B3GALT1: variants seen among roughly 807,000 people sequenced by gnomAD.
The protein encoded by B3GALT1 is UDP-Gal:betaGlcNAc beta 1,3-galactosyltransferase, polypeptide 1.
In B3GALT1, 10 loss-of-function variants were observed where a neutral mutation model predicts 23.2. The ratio of observed to expected loss-of-function variants is 0.43; its 90% CI spans 0.27 to 0.73. B3GALT1 has a LOEUF of 0.73. Among genes scored for constraint, B3GALT1 ranks in the 30% least tolerant of loss-of-function variants. The probability of loss-of-function intolerance (pLI) is 0.21; values close to 1 mark genes in which losing one functional copy is unlikely to be tolerated. For synonymous variants in B3GALT1, 156 were observed against 141.5 expected (o/e 1.10, Z -0.73); for missense variants, 299 against 405.4 (o/e 0.74, Z 2.25).
intron 2 of B3GALT1, among the ~76,000 whole-genome samples, chr2:167,638,728 G>A (rs1685602389): frequency 6.6e-6 from 1 of 151,750 alleles, no homozygotes; most frequent in African/African-American, 2.4e-5. Context: ...AAAAAGAGGG[G>A]GTTAGGCTAT....
chr2:167,484,164 A>G (rs529478246), intron 1 of B3GALT1, among the ~76,000 whole-genome samples: 1 of 152,190 alleles, frequency 6.6e-6, no homozygotes, highest in Non-Finnish European at 1.5e-5. Context: ...TTTTCGCCTA[A>G]GGATAGATAA....
chr2:167,658,300 A>G (rs1216737168), intron 3 of B3GALT1, among the ~76,000 whole-genome samples: 1 of 152,150 alleles, frequency 6.6e-6, no homozygotes, highest in Non-Finnish European at 1.5e-5. Context: ...TTGTGATTAT[A>G]CATGGCTTGT....
chr2:167,315,097 A>T (rs1374036769), intron 1 of B3GALT1, among the ~76,000 whole-genome samples: 1 of 152,188 alleles, frequency 6.6e-6, no homozygotes, highest in African/African-American at 2.4e-5. Flanking sequence ...TGATTCTTAC[A>T]ACCTAATTGA....
intron 4 of B3GALT1, among the ~76,000 whole-genome samples, chr2:167,867,942 C>T (rs2105442698): frequency 6.6e-6 from 1 of 152,164 alleles, no homozygotes; most frequent in East Asian, 1.9e-4. Flanking sequence ...GATCTGTGGC[C>T]CCCAAACTCA....
intron 1 of B3GALT1, among the ~76,000 whole-genome samples, chr2:167,302,968 A>C (rs927942973): frequency 6.6e-6 from 1 of 152,224 alleles, no homozygotes; most frequent in Non-Finnish European, 1.5e-5. Flanking sequence ...TAAAAGCATA[A>C]ATACGTTATC....
At chr2:167,825,973 C>G (rs78054398) in intron 4 of B3GALT1, among the ~76,000 whole-genome samples, 5,344 of 152,228 alleles carry the variant, frequency 0.035, 321 homozygotes, top group African/African-American at 0.12. Context: ...CCCTCTGATT[C>G]CTTCTCTTTC....
chr2:167,580,663 A>G (rs1453600279), intron 2 of B3GALT1, among the ~76,000 whole-genome samples: 1 of 152,110 alleles, frequency 6.6e-6, no homozygotes, highest in Non-Finnish European at 1.5e-5. Flanking sequence ...ACTGATTTTC[A>G]GTTCTGTTAG....
chr2:167,822,762 C>T (rs1224613403), intron 4 of B3GALT1, among the ~76,000 whole-genome samples: 1 of 152,170 alleles, frequency 6.6e-6, no homozygotes, highest in African/African-American at 2.4e-5. Flanking sequence ...AAATTCACTC[C>T]TCCACATGCC....
At chr2:167,678,032 T>G (rs1332217159) in intron 3 of B3GALT1, among the ~76,000 whole-genome samples, 1 of 152,156 alleles carries the variant, frequency 6.6e-6, no homozygotes, top group African/African-American at 2.4e-5. Flanking sequence ...GGATTATAAT[T>G]CAAATTACAA....
chr2:167,356,793 T>A (rs998443954), intron 1 of B3GALT1, among the ~76,000 whole-genome samples: 18 of 151,874 alleles, frequency 1.2e-4, no homozygotes, highest in African/African-American at 4.3e-4. Flanking sequence ...TATATAGTAA[T>A]TAAATTTGTA....
chr2:167,492,393 T>A (rs113228237), intron 2 of B3GALT1, among the ~76,000 whole-genome samples: 1 of 147,074 alleles, frequency 6.8e-6, no homozygotes, highest in African/African-American at 2.5e-5. Flanking sequence ...AAGAATATCT[T>A]GATTGTTTCC....
At chr2:167,484,383 A>C (rs1454375682) in intron 1 of B3GALT1, among the ~76,000 whole-genome samples, 3 of 152,222 alleles carry the variant, frequency 2.0e-5, no homozygotes, top group Non-Finnish European at 2.9e-5. Flanking sequence ...AGTCTCAAGA[A>C]GTACTGAGAA....
chr2:167,853,729 TATAA>T (rs996825386), intron 4 of B3GALT1, among the ~76,000 whole-genome samples: 10 of 152,152 alleles, frequency 6.6e-5, no homozygotes, highest in African/African-American at 2.2e-4. Context: ...CACATGTAAT[TATAA>T]ATAAAAATTA....
intron 3 of B3GALT1, among the ~76,000 whole-genome samples, chr2:167,712,598 G>A (rs1022503269): frequency 3.3e-5 from 5 of 151,988 alleles, no homozygotes; most frequent in African/African-American, 1.2e-4. Flanking sequence ...TTTTAAATCT[G>A]AAGGTGCCTT....
intron 2 of B3GALT1, among the ~76,000 whole-genome samples, chr2:167,556,689 T>C (rs1472791975): frequency 6.6e-6 from 1 of 152,202 alleles, no homozygotes; most frequent in Non-Finnish European, 1.5e-5. Context: ...GAGTAGACTA[T>C]TCATCCCTCA....
At chr2:167,535,881 A>G (rs994905635) in intron 2 of B3GALT1, among the ~76,000 whole-genome samples, 1 of 152,184 alleles carries the variant, frequency 6.6e-6, no homozygotes, top group African/African-American at 2.4e-5. Flanking sequence ...CTTATTCAAC[A>G]AAATTGGTTG....
At chr2:167,460,978 A>G (rs1699250610) in intron 1 of B3GALT1, among the ~76,000 whole-genome samples, 1 of 152,162 alleles carries the variant, frequency 6.6e-6, no homozygotes, top group African/African-American at 2.4e-5. Flanking sequence ...AAGGGGTAAA[A>G]AGAGAGAACT....
At chr2:167,350,084 G>T (rs774546906) in intron 1 of B3GALT1, among the ~76,000 whole-genome samples, 2 of 152,138 alleles carry the variant, frequency 1.3e-5, no homozygotes, top group Non-Finnish European at 2.9e-5. Context: ...TTTTCATGGA[G>T]ATAACAAAGG....
At chr2:167,297,390 C>T (rs1228767881) in intron 1 of B3GALT1, among the ~76,000 whole-genome samples, 1 of 139,772 alleles carries the variant, frequency 7.2e-6, no homozygotes, top group Admixed American at 7.0e-5. Flanking sequence ...TCTGTAAAAA[C>T]TGATTAAAAA....
Sources: allele counts gnomAD v4.1 joint callset (sites outside exome capture counted in the v4.1 genomes callset), GRCh38; gene constraint gnomAD v4.1.1; transcripts MANE v1.5; gene names NCBI Gene and HGNC (gene_info 2026-07-23, HGNC 2026-07-21).